Variants in NALF1 observed in about 807,000 individuals in gnomAD.
NALF1 encodes family with sequence similarity 155 member A.
NALF1 carries 3 observed loss-of-function variants against 48.4 expected under a neutral mutation model. That is an observed-to-expected ratio of 0.06 (90% CI 0.03 to 0.16). NALF1 has a LOEUF of 0.16. Ranked by LOEUF, NALF1 falls within the 10% of genes least tolerant of loss-of-function variation. The pLI is 1.00. For synonymous variants in NALF1, 262 were observed against 245.7 expected (o/e 1.07, Z -0.62); for missense variants, 526 against 571.5 (o/e 0.92, Z 0.81).
chr13:107,582,487 T>C (rs972714981), intron 1 of NALF1, among the ~76,000 whole-genome samples: 1 of 152,250 alleles, frequency 6.6e-6, no homozygotes, highest in South Asian at 2.1e-4. Context: ...CCTTGCAAAC[T>C]ATCCAGGAGC....
intron 1 of NALF1, among the ~76,000 whole-genome samples, chr13:107,296,559 A>C (rs1166910164): frequency 6.6e-6 from 1 of 152,182 alleles, no homozygotes; most frequent in Non-Finnish European, 1.5e-5. Context: ...ATTTTATTCA[A>C]GCTCTTATTT....
At chr13:107,654,920 T>A (rs572139703) in intron 1 of NALF1, among the ~76,000 whole-genome samples, 2 of 151,982 alleles carry the variant, frequency 1.3e-5, no homozygotes, top group Non-Finnish European at 2.9e-5. Context: ...TCAACAGACG[T>A]AGAAAAAGCA....
intron 1 of NALF1, among the ~76,000 whole-genome samples, chr13:107,217,589 A>G (rs1879900138): frequency 6.6e-6 from 1 of 151,988 alleles, no homozygotes; most frequent in African/African-American, 2.4e-5. Flanking sequence ...CTCTGTTTCA[A>G]TACCTCAAGC....
chr13:107,202,373 T>C (rs948379344), intron 2 of NALF1, among the ~76,000 whole-genome samples: 2 of 149,072 alleles, frequency 1.3e-5, no homozygotes, highest in African/African-American at 4.9e-5. Flanking sequence ...TGATATGGTA[T>C]AGATATTATA....
chr13:107,638,201 A>ATATG (rs1555314239), intron 1 of NALF1, among the ~76,000 whole-genome samples: 2 of 110,832 alleles, frequency 1.8e-5, no homozygotes, highest in African/African-American at 5.7e-5. Flanking sequence ...ATATATATAT[A>ATATG]TATATAATTT....
At chr13:107,546,608 A>G (rs1877142603) in intron 1 of NALF1, among the ~76,000 whole-genome samples, 1 of 152,028 alleles carries the variant, frequency 6.6e-6, no homozygotes, top group Non-Finnish European at 1.5e-5. Flanking sequence ...CTATAAGGCA[A>G]GCTTAATTAT....
At chr13:107,734,142 G>T (rs1356085355) in intron 1 of NALF1, among the ~76,000 whole-genome samples, 1 of 152,080 alleles carries the variant, frequency 6.6e-6, no homozygotes, top group Admixed American at 6.6e-5. Flanking sequence ...GGAATTTTTA[G>T]CTGAGCTCCA....
rs527275709 is a variant in NALF1, at chr13:107,387,612, C to T, written c.916-176857G>A. On this transcript the variant is annotated intron_variant, in intron 1 of 2. Transcript: ENST00000375915. ...AAAAACGACACCATTTCAATGATCA[C>T]TTCTGATCCGAGATGAGAGTTATAT... is the stretch of plus-strand genomic sequence containing the variant. 2.4e-4 allele frequency among the ~76,000 whole-genome samples: 36 copies of T among 152,292 alleles called. No individual in the cohort carries two copies. The Middle Eastern group carries it at 0.01, about 43-fold the overall frequency.
intron 1 of NALF1, among the ~76,000 whole-genome samples, chr13:107,244,976 A>G (rs1166109023): frequency 6.6e-6 from 1 of 152,186 alleles, no homozygotes; most frequent in Non-Finnish European, 1.5e-5. Context: ...ATACTTTATA[A>G]TGTATTGGCT....
At chr13:107,493,558 G>A (rs1875219100) in intron 1 of NALF1, among the ~76,000 whole-genome samples, 1 of 152,072 alleles carries the variant, frequency 6.6e-6, no homozygotes. Flanking sequence ...CAGTTCTGAG[G>A]GGGTTGGAAC....
chr13:107,821,987 T>C (rs147851369), intron 1 of NALF1, among the ~76,000 whole-genome samples: 1 of 152,248 alleles, frequency 6.6e-6, no homozygotes, highest in East Asian at 1.9e-4. Flanking sequence ...ACAATGGTGA[T>C]ATACAAATGT....
intron 1 of NALF1, among the ~76,000 whole-genome samples, chr13:107,641,880 G>A (rs984360326): frequency 6.6e-6 from 1 of 152,090 alleles, no homozygotes; most frequent in African/African-American, 2.4e-5. Context: ...CAACCCCCTG[G>A]AAAACTTCAG....
intron 1 of NALF1, among the ~76,000 whole-genome samples, chr13:107,685,863 G>A (rs1015872128): frequency 2.6e-5 from 4 of 152,302 alleles, no homozygotes; most frequent in Middle Eastern, 3.4e-3. Context: ...GAGTCTCTAC[G>A]GACTCTGTTC....
chr13:107,578,937 T>C (rs1283867667), intron 1 of NALF1, among the ~76,000 whole-genome samples: 1 of 152,222 alleles, frequency 6.6e-6, no homozygotes, highest in Non-Finnish European at 1.5e-5. Context: ...CCATCTTCCA[T>C]GTATAAGCCA....
At chr13:107,618,458 T>C (rs1879437791) in intron 1 of NALF1, among the ~76,000 whole-genome samples, 1 of 152,176 alleles carries the variant, frequency 6.6e-6, no homozygotes, top group Admixed American at 6.5e-5. Flanking sequence ...ATAGAAGACT[T>C]ATCCTAATTT....
chr13:107,791,209 T>C (rs1349080577), intron 1 of NALF1, among the ~76,000 whole-genome samples: 2 of 152,216 alleles, frequency 1.3e-5, no homozygotes, highest in Non-Finnish European at 2.9e-5. Flanking sequence ...TGCCAAAAGT[T>C]TGGCAATATT....
chr13:107,362,492 TA>T lies in NALF1; in HGVS notation c.916-151738del, dbSNP rs1432078546. The stretch of plus-strand genomic sequence containing the variant: ...GATTTGCAGCTGCATGACTCCAATT[TA>T]TACCACTGTTGTCACTTGGCATTCT... On this transcript the variant is annotated intron_variant, in intron 1 of 2. Coordinates refer to ENST00000375915, the MANE Select transcript of NALF1 (RefSeq NM_001080396.3). This position sits in a 1 kb window ranked among gnomAD's most constrained non-coding sequence, Gnocchi z 4.6. Among the ~76,000 whole-genome samples, 1 of 152,178 alleles carries T rather than the reference TA, an allele frequency of 6.6e-6. No homozygotes were observed. The highest frequency in any genetic ancestry group is 1.5e-5 in the Non-Finnish European group (1 of 68,044).
intron 1 of NALF1, among the ~76,000 whole-genome samples, chr13:107,346,829 A>C (rs1160922458): frequency 6.6e-6 from 1 of 152,200 alleles, no homozygotes; most frequent in Non-Finnish European, 1.5e-5. Flanking sequence ...GACAATCTAA[A>C]TTATTATCTT....
At chr13:107,819,148 T>TA (rs1879278112) in intron 1 of NALF1, among the ~76,000 whole-genome samples, 2 of 151,902 alleles carry the variant, frequency 1.3e-5, no homozygotes, top group Admixed American at 1.3e-4. Flanking sequence ...CTTAACCTGA[T>TA]GTCTTGAAGA....
Sources: allele counts gnomAD v4.1 joint callset (sites outside exome capture counted in the v4.1 genomes callset), GRCh38; gene constraint gnomAD v4.1.1; non-coding constraint Gnocchi (gnomAD v3.1); transcripts MANE v1.5; gene names NCBI Gene and HGNC (gene_info 2026-07-23, HGNC 2026-07-21).